Variants in SLCO5A1 observed in about 807,000 individuals in gnomAD.
The protein encoded by SLCO5A1 is solute carrier organic anion transporter family member 5A1.
A neutral mutation model predicts 65.1 loss-of-function variants in SLCO5A1; 39 were observed. The observed-to-expected ratio is 0.60, with a 90% CI of 0.46 to 0.78. The LOEUF is 0.78. SLCO5A1 is among the 30% of genes least tolerant of loss of function. SLCO5A1 has a pLI of 0.00. For synonymous variants in SLCO5A1, 438 were observed against 415.7 expected (o/e 1.05, Z -0.65); for missense variants, 1,029 against 1,069.4 (o/e 0.96, Z 0.53).
intron 4 of SLCO5A1, among the ~76,000 whole-genome samples, chr8:69,747,386 T>C (rs1817081595): frequency 6.6e-6 from 1 of 151,732 alleles, no homozygotes; most frequent in Non-Finnish European, 1.5e-5. Context: ...GGATTCTGCA[T>C]CCATGGATTC....
chr8:69,755,670 T>A (rs781175623), intron 3 of SLCO5A1, 29 bp from the exon 4 acceptor site: 1 of 1,569,052 alleles, frequency 6.4e-7, no homozygotes, highest in South Asian at 1.2e-5. Flanking sequence ...TGAATAGCAT[T>A]TACGTCTTTT....
intron 6 of SLCO5A1, among the ~76,000 whole-genome samples, chr8:69,701,024 G>A (rs780553446): frequency 2.0e-5 from 3 of 151,932 alleles, no homozygotes; most frequent in African/African-American, 7.3e-5. Context: ...GATGACAGCC[G>A]GGCAGCCAGC....
At chr8:69,747,695 AC>A (rs1360987310) in intron 4 of SLCO5A1, among the ~76,000 whole-genome samples, 1 of 152,158 alleles carries the variant, frequency 6.6e-6, no homozygotes, top group Non-Finnish European at 1.5e-5. Context: ...CCAAGGGATG[AC>A]TGTATTTAAA....
At chr8:69,722,359 AT>A (rs370835716) in intron 5 of SLCO5A1, among the ~76,000 whole-genome samples, 14 of 152,194 alleles carry the variant, frequency 9.2e-5, no homozygotes, top group African/African-American at 3.4e-4. Context: ...ATAAACAGGT[AT>A]TATCTCCTTA....
At chr8:69,820,618 G>A (rs1490295354) in intron 2 of SLCO5A1, among the ~76,000 whole-genome samples, 1 of 151,774 alleles carries the variant, frequency 6.6e-6, no homozygotes, top group Admixed American at 6.6e-5. Flanking sequence ...GGATTGCTGT[G>A]GTCAGGAGTT....
chr8:69,711,020 C>G lies in SLCO5A1; in HGVS notation c.1424-5791G>C, dbSNP rs375223888. Reference sequence around the variant, plus strand: ...TTCAGAGCCTTCATACTGTCCCCCCCACTCAAAGCCCCTGGCTCCAGGTAC... The same window carrying G: ...TTCAGAGCCTTCATACTGTCCCCCCGACTCAAAGCCCCTGGCTCCAGGTAC... On this transcript the variant is annotated intron_variant, in intron 5 of 9. Coordinates refer to ENST00000260126, the MANE Select transcript of SLCO5A1 (RefSeq NM_030958.3). Among the ~76,000 whole-genome samples, 399 of 152,134 alleles carry G rather than the reference C, an allele frequency of 2.6e-3. 1 individual carries two copies. The highest frequency in any genetic ancestry group is 4.0e-3 in the Non-Finnish European group (270 of 68,004).
chr8:69,827,409 G>A (rs1223737906), intron 2 of SLCO5A1, among the ~76,000 whole-genome samples: 1 of 152,100 alleles, frequency 6.6e-6, no homozygotes, highest in African/African-American at 2.4e-5. Flanking sequence ...CTCTCTCCTT[G>A]CAGAAGTTAA....
At chr8:69,746,955 C>T (rs1162214798) in intron 4 of SLCO5A1, among the ~76,000 whole-genome samples, 1 of 152,170 alleles carries the variant, frequency 6.6e-6, no homozygotes, top group Non-Finnish European at 1.5e-5. Flanking sequence ...AACTCACACA[C>T]ACTTCACCTG....
intron 5 of SLCO5A1, among the ~76,000 whole-genome samples, chr8:69,716,131 G>A (rs1815523474): frequency 1.3e-5 from 2 of 152,166 alleles, no homozygotes; most frequent in Admixed American, 1.3e-4. Context: ...GTTCCTCTGT[G>A]TTAAAGCATG....
intron 6 of SLCO5A1, among the ~76,000 whole-genome samples, chr8:69,692,345 T>C (rs1263875612): frequency 6.6e-6 from 1 of 152,122 alleles, no homozygotes; most frequent in Non-Finnish European, 1.5e-5. Flanking sequence ...TCTGGGTGAG[T>C]GAATGAGTGA....
rs1458365331 is a variant in SLCO5A1 at position 69,732,175 on chromosome 8, G to A, written c.1423+5865C>T. Among the ~76,000 whole-genome samples the A allele has an allele frequency of 2.0e-5, 3 of 152,122 alleles. No individual in the cohort carries two copies. In the South Asian group the frequency reaches 6.2e-4, roughly 31 times the overall value. On this transcript the variant is annotated intron_variant, in intron 5 of 9. Coordinates refer to ENST00000260126, the MANE Select transcript of SLCO5A1 (RefSeq NM_030958.3). Reference sequence around the variant, plus strand: ...ACTTCAACCAAATCCCAATTCAGTGGCTGAAGATGGATGGCAAATATTTGG... The same window carrying A: ...ACTTCAACCAAATCCCAATTCAGTGACTGAAGATGGATGGCAAATATTTGG...
intron 6 of SLCO5A1, among the ~76,000 whole-genome samples, chr8:69,685,195 C>G (rs1188250477): frequency 6.6e-6 from 1 of 152,188 alleles, no homozygotes; most frequent in Non-Finnish European, 1.5e-5. Context: ...AAGCTGCTGA[C>G]GTGGTTCATC....
intron 2 of SLCO5A1, among the ~76,000 whole-genome samples, chr8:69,823,952 A>G (rs1160792106): frequency 6.6e-6 from 1 of 152,254 alleles, no homozygotes; most frequent in Non-Finnish European, 1.5e-5. Context: ...CAATCAAACT[A>G]GAACTCAGGA....
intron 4 of SLCO5A1, among the ~76,000 whole-genome samples, chr8:69,750,727 T>C (rs970127341): frequency 1.3e-5 from 2 of 152,194 alleles, no homozygotes; most frequent in African/African-American, 4.8e-5. Flanking sequence ...ATCCCTCAAC[T>C]GGATGCTCCT....
At chr8:69,794,920 G>A (rs1363358651) in intron 2 of SLCO5A1, among the ~76,000 whole-genome samples, 2 of 152,192 alleles carry the variant, frequency 1.3e-5, no homozygotes, top group African/African-American at 2.4e-5. Context: ...GCCAGAGCAG[G>A]AGGAAGAGAG....
intron 5 of SLCO5A1, among the ~76,000 whole-genome samples, chr8:69,725,100 C>T (rs1445201634): frequency 1.3e-5 from 2 of 151,984 alleles, no homozygotes; most frequent in African/African-American, 4.8e-5. Context: ...CTTCAAAAAC[C>T]CTCTAAAATG....
At chr8:69,781,521 A>C (rs967936970) in intron 2 of SLCO5A1, among the ~76,000 whole-genome samples, 3 of 152,244 alleles carry the variant, frequency 2.0e-5, no homozygotes, top group African/African-American at 7.2e-5. Flanking sequence ...AACTGTTACT[A>C]TAAGATAACA....
chr8:69,701,499 C>T (rs1185241630), intron 6 of SLCO5A1, among the ~76,000 whole-genome samples: 2 of 152,186 alleles, frequency 1.3e-5, no homozygotes, highest in African/African-American at 4.8e-5. Flanking sequence ...AAGCCTGCTA[C>T]TGGAAGACTT....
intron 5 of SLCO5A1, among the ~76,000 whole-genome samples, chr8:69,710,063 G>A (rs1484116125): frequency 1.4e-5 from 2 of 143,012 alleles, no homozygotes; most frequent in Admixed American, 7.3e-5. Context: ...TTGTCGCCCA[G>A]GCTAGAGTGC....
Sources: gnomAD v4.1 joint callset for allele counts (sites outside exome capture counted in the v4.1 genomes callset) on GRCh38, gnomAD v4.1.1 for gene constraint, MANE v1.5 for transcripts, NCBI Gene and HGNC (gene_info 2026-07-23, HGNC 2026-07-21) for gene names.